The following ZSCAN18 variants were observed in gnomAD, a reference collection of about 807,000 sequenced individuals.
The protein encoded by ZSCAN18 is zinc finger and SCAN domain containing 18.
Under a neutral mutation model 31.1 loss-of-function variants are expected in ZSCAN18, and 16 were observed. The ratio of observed to expected loss-of-function variants is 0.51; its 90% CI spans 0.35 to 0.78. The LOEUF is 0.78. Ranked by LOEUF, ZSCAN18 falls within the 30% of genes least tolerant of loss-of-function variation. ZSCAN18 has a pLI of 0.01. For missense variants in ZSCAN18, 731 were observed against 697.4 expected, an observed-to-expected ratio of 1.05 and a Z score of -0.54; for synonymous variants, 375 against 320.7, an observed-to-expected ratio of 1.17 and a Z score of -1.81.
intron 1 of ZSCAN18, among the ~76,000 whole-genome samples, chr19:58,103,939 T>C (rs1041306440): frequency 6.6e-6 from 1 of 152,090 alleles, no homozygotes; most frequent in Admixed American, 6.6e-5. Flanking sequence ...TTGTCGCCAA[T>C]AGGGAGAAAG....
rs2074246845 is a variant in ZSCAN18 at position 58,085,211 on chromosome 19, T to C, written c.1007A>G (p.Gln336Arg). The change falls in exon 7 of 7, where the codon CAG becomes CGG. Residue 336 changes from glutamine (Q) to arginine (R), a missense_variant. By Grantham distance (43) the Gln-to-Arg change is conservative. This residue lies in a region of ZSCAN18 where 597 missense variants were observed against 499.5 expected (regional missense o/e 1.20). Coordinates refer to ENST00000601144, the MANE Select transcript of ZSCAN18 (RefSeq NM_001145543.2). ...GTCGGACTCCGCGTCCTGGGGGTCC[T>C]GCGGGTCCGGGGCCTTCCCAGGCTG... ...EEQPGKAPDPQDPQDAESDSA... is the reference protein window; with the variant it reads ...EEQPGKAPDPRDPQDAESDSA... The C allele has an allele frequency of 6.2e-7, 1 of 1,609,014 alleles. No homozygotes were observed.
At chr19:58,118,048 GAGATGCGCGT>G (rs1346475907) in intron 1 of ZSCAN18, among the ~76,000 whole-genome samples, 2 of 152,136 alleles carry the variant, frequency 1.3e-5, no homozygotes, top group Non-Finnish European at 2.9e-5. Context: ...GCCCGGCGAG[GAGATGCGCGT>G]ACCAGCCCCG....
chr19:58,083,994 G>C lies in ZSCAN18; in HGVS notation c.*691C>G, dbSNP rs919455115. ...TATGGGTGAAAAGTTTCACAAAACA[G>C]TATTTGCCTTTACTACATGATGCAT... On this transcript the variant is annotated 3_prime_UTR_variant, in exon 7 of 7. Coordinates refer to ENST00000601144, the MANE Select transcript of ZSCAN18 (RefSeq NM_001145543.2). 6.6e-6 allele frequency: 1 copy of C among 152,236 alleles called. No individual in the cohort carries two copies. Among genetic ancestry groups the C allele is most frequent in the African/African-American group, 2.4e-5 (1 of 41,464 alleles). The allele number at this position is 152,236 out of a possible 1,614,324, so 9.4% of individuals were successfully genotyped here. A position where few individuals can be genotyped will look rare whatever the true frequency, so the allele number is the denominator to read the frequency against.
upstream of ZSCAN18, among the ~76,000 whole-genome samples, chr19:58,099,301 T>C (rs2074572613): frequency 6.6e-6 from 1 of 152,134 alleles, no homozygotes; most frequent in African/African-American, 2.4e-5. Context: ...CTAATCTAAG[T>C]AGTCCACTGC....
At chr19:58,115,382 T>C (rs1274059504) in intron 1 of ZSCAN18, among the ~76,000 whole-genome samples, 6 of 152,240 alleles carry the variant, frequency 3.9e-5, no homozygotes, top group Non-Finnish European at 8.8e-5. Flanking sequence ...GCAGAATTAA[T>C]GCATGTTCAT....
intron 1 of ZSCAN18, chr19:58,109,080 C>G: frequency 8.1e-7 from 1 of 1,227,024 alleles, no homozygotes; most frequent in Non-Finnish European, 1.0e-6. Flanking sequence ...TGACCACAGC[C>G]CCTCATAGAT....
intron 1 of ZSCAN18, chr19:58,109,050 G>A: frequency 8.2e-7 from 1 of 1,224,038 alleles, no homozygotes; most frequent in Non-Finnish European, 1.0e-6. Flanking sequence ...GGACTGAGCA[G>A]ATGACCACAA....
intron 1 of ZSCAN18, chr19:58,109,018 G>C: frequency 8.2e-7 from 1 of 1,213,628 alleles, no homozygotes; most frequent in African/African-American, 1.6e-5. Flanking sequence ...TGTTGTTTGA[G>C]GACCTCTTTG....
At chr19:58,108,079 T>C in intron 1 of ZSCAN18, 2 of 994,924 alleles carry the variant, frequency 2.0e-6, no homozygotes, top group Non-Finnish European at 1.2e-6. Flanking sequence ...TTTTTTCACA[T>C]TGTTTAACTC....
chr19:58,087,594 GCCCCAGAGATGCCCATT>G lies in ZSCAN18; in HGVS notation c.554-207_554-191del, dbSNP rs1471706306. 2.3e-5 allele frequency: 13 copies of G among 572,530 alleles called. 1 individual carries two copies. Among genetic ancestry groups the G allele is most frequent in the Non-Finnish European group, 4.0e-5 (13 of 324,654 alleles). 35.5% of individuals were successfully genotyped at this position (572,530 alleles called of 1,614,324 possible). On this transcript the variant is annotated intron_variant, in intron 3 of 6. Coordinates refer to ENST00000601144, the MANE Select transcript of ZSCAN18 (RefSeq NM_001145543.2). ...GCGCGGTGGCCACAGGGCTTGGGTG[GCCCCAGAGATGCCCATT>G]CAAGTCCACTGGATTCATGGAAATC...
chr19:58,115,568 T>C (rs1033478452), intron 1 of ZSCAN18, among the ~76,000 whole-genome samples: 10 of 152,214 alleles, frequency 6.6e-5, no homozygotes, highest in Non-Finnish European at 1.3e-4. Context: ...CTAGTTAACA[T>C]TATATTACGG....
chr19:58,109,251 C>T, intron 1 of ZSCAN18: 2 of 1,231,708 alleles, frequency 1.6e-6, no homozygotes. Flanking sequence ...TTGGATAGTT[C>T]CTTCCCAACA....
At chr19:58,105,496 C>T (rs1003153751) in intron 1 of ZSCAN18, among the ~76,000 whole-genome samples, 4 of 151,904 alleles carry the variant, frequency 2.6e-5, no homozygotes, top group African/African-American at 9.7e-5. Context: ...CCAGTCTCTA[C>T]TAAAAATACA....
Position 58,084,583 on chromosome 19 carries a change from C to T in ZSCAN18, c.*102G>A. ...GGCACAGGCAGAGGACGTCCACAAA[C>T]ACCACAGGAAGCCGCCACCCAGGGG... On this transcript the variant is annotated 3_prime_UTR_variant, in exon 7 of 7. Transcript: ENST00000601144. This position sits in a 1 kb window ranked among gnomAD's most constrained non-coding sequence, Gnocchi z 4.5. 2.5e-6 allele frequency: 3 copies of T among 1,199,270 alleles called. No individual in the cohort carries two copies. Among genetic ancestry groups the T allele is most frequent in the Non-Finnish European group, 2.2e-6 (2 of 899,638 alleles). The allele number at this position is 1,199,270 out of a possible 1,614,324, so 74.3% of individuals were successfully genotyped here.
exon 1 of ZSCAN18, chr19:58,118,274 A>G: frequency 3.4e-6 from 5 of 1,468,388 alleles, no homozygotes; most frequent in South Asian, 2.6e-5. Flanking sequence ...CACCCTCACT[A>G]GGCCTTGGCT....
At position 58,086,936 on chromosome 19, in the gene ZSCAN18, G is replaced by T; in HGVS notation, c.715C>A (p.Leu239Met). Reference sequence around the variant, plus strand: ...AGGAGCAGCTTCCGGTAGCTCTTCAGGTTCTCCTCGGCAGGGTCCAGGTGG... The same window carrying T: ...AGGAGCAGCTTCCGGTAGCTCTTCATGTTCTCCTCGGCAGGGTCCAGGTGG... ...WGHLDPAEENLKSYRKLLLWG... is the reference protein window; with the variant it reads ...WGHLDPAEENMKSYRKLLLWG... The change falls in exon 5 of 7, where the codon CTG becomes ATG. Residue 239 changes from leucine to methionine, a missense_variant. Physicochemically the swap from Leu to Met is conservative, Grantham distance 15 (BLOSUM62 2). Around this residue, in one of 4 missense-constraint regions of ZSCAN18, gnomAD observed 597 missense variants for 499.5 expected, o/e 1.20. Coordinates refer to ENST00000601144, the MANE Select transcript of ZSCAN18 (RefSeq NM_001145543.2). 1 of 1,613,924 alleles carries T rather than the reference G, an allele frequency of 6.2e-7. No homozygotes were observed. The highest frequency in any genetic ancestry group is 8.5e-7 in the Non-Finnish European group (1 of 1,179,982).
Position 58,087,321 on chromosome 19 carries a change from C to T in ZSCAN18, c.637G>A (p.Glu213Lys), listed in dbSNP as rs1469876740. 12 of 1,604,994 alleles carry T rather than the reference C, an allele frequency of 7.5e-6. No homozygotes were observed. The highest frequency in any genetic ancestry group is 6.8e-6 in the Non-Finnish European group (8 of 1,175,758). ...ACCTGCTCGTGCCCACCCACCTGCT[C>T]GGTGTTGGCAGGGCCGTCCTCTTCG... ...KTEEDGPANT[E>K]QKLKSFPEDP... is the part of the protein sequence containing the mutation. Residue 213 changes from glutamate to lysine, a missense_variant, in exon 4 of 7, where the codon GAG (glutamate) becomes AAG (lysine). Coordinates refer to ENST00000601144, the MANE Select transcript of ZSCAN18 (RefSeq NM_001145543.2).
At chr19:58,107,203 A>G (rs2074641487) in intron 1 of ZSCAN18, among the ~76,000 whole-genome samples, 1 of 152,164 alleles carries the variant, frequency 6.6e-6, no homozygotes, top group Admixed American at 6.6e-5. Flanking sequence ...TCTTGTCAAC[A>G]AGCAGCCATA....
At chr19:58,103,633 TCTCA>T (rs1342937482) in intron 1 of ZSCAN18, among the ~76,000 whole-genome samples, 3 of 152,204 alleles carry the variant, frequency 2.0e-5, no homozygotes, top group Admixed American at 1.3e-4. Flanking sequence ...ACGCACTCTC[TCTCA>T]ATCTCTTTCC....
Sources: gnomAD v4.1 joint callset for allele counts (sites outside exome capture counted in the v4.1 genomes callset) on GRCh38, gnomAD v4.1.1 for gene constraint, gnomAD v4.1.1 regional missense constraint, Gnocchi (gnomAD v3.1) non-coding constraint, MANE v1.5 for transcripts, NCBI Gene and HGNC (gene_info 2026-07-23, HGNC 2026-07-21) for gene names.